GMDS: variants seen among roughly 807,000 people sequenced by gnomAD.
GMDS encodes the protein GDP-mannose 4,6 dehydratase.
In GMDS, 20 loss-of-function variants were observed where a neutral mutation model predicts 49.9. The observed-to-expected ratio is 0.40, with a 90% CI of 0.28 to 0.58. The LOEUF (loss-of-function observed/expected upper bound fraction) is 0.58. Ranked by LOEUF, GMDS falls within the 20% of genes least tolerant of loss-of-function variation. GMDS has a pLI of 0.42. For synonymous variants in GMDS, 177 were observed against 178.6 expected (o/e 0.99, Z 0.07); for missense variants, 362 against 481.4 (o/e 0.75, Z 2.32).
chr6:1,877,130 T>A (rs1322230896), intron 7 of GMDS, among the ~76,000 whole-genome samples: 1 of 151,942 alleles, frequency 6.6e-6, no homozygotes, highest in East Asian at 1.9e-4. Context: ...AGGGAATGAA[T>A]TCACATAACA....
intron 4 of GMDS, among the ~76,000 whole-genome samples, chr6:2,072,391 G>A (rs955640872): frequency 1.3e-5 from 2 of 152,188 alleles, no homozygotes; most frequent in African/African-American, 4.8e-5. Flanking sequence ...TCTGAAGGCA[G>A]CCTGCCTATC....
intron 9 of GMDS, among the ~76,000 whole-genome samples, chr6:1,684,235 G>A (rs1044251477): frequency 3.3e-5 from 5 of 152,180 alleles, no homozygotes; most frequent in East Asian, 1.9e-4. Context: ...GATGTGGGGC[G>A]GCTGGAAGTC....
intron 7 of GMDS, among the ~76,000 whole-genome samples, chr6:1,750,738 G>A (rs913765401): frequency 2.6e-5 from 4 of 152,070 alleles, no homozygotes; most frequent in African/African-American, 9.7e-5. Flanking sequence ...TCACTCCCCT[G>A]GAAAGAGGGC....
At chr6:2,108,664 A>G (rs1281612406) in intron 4 of GMDS, among the ~76,000 whole-genome samples, 1 of 152,222 alleles carries the variant, frequency 6.6e-6, no homozygotes, top group Non-Finnish European at 1.5e-5. Flanking sequence ...CGTAGTAAAC[A>G]GTGGGAATGA....
At chr6:1,735,852 TATTA>T (rs778982504) in intron 8 of GMDS, among the ~76,000 whole-genome samples, 5 of 152,388 alleles carry the variant, frequency 3.3e-5, no homozygotes, top group East Asian at 1.9e-4. Flanking sequence ...AATGTGTTCT[TATTA>T]ATTGACACCC....
At chr6:2,116,226 T>C (rs913550190) in intron 3 of GMDS, among the ~76,000 whole-genome samples, 1 of 151,564 alleles carries the variant, frequency 6.6e-6, no homozygotes, top group Non-Finnish European at 1.5e-5. Flanking sequence ...GAAAACCTTG[T>C]AATAACATGT....
In GMDS at chr6:1,773,841, T is replaced by C. The variant is rs535005110; in HGVS notation, c.772-31255A>G. 1.1e-3 allele frequency among the ~76,000 whole-genome samples: 161 copies of C among 152,242 alleles called. 1 individual carries two copies. The highest frequency in any genetic ancestry group is 1.8e-3 in the Non-Finnish European group (122 of 68,038). On this transcript the variant is annotated intron_variant, in intron 7 of 10. Coordinates refer to ENST00000380815, the MANE Select transcript of GMDS (RefSeq NM_001500.4). ...TTTCACATGAAAGGGTGTAGACTTG[T>C]TTTTAAGAAATATCAAATCCATTAA...
chr6:1,717,691 T>C (rs1766222761), intron 9 of GMDS: 1 of 152,018 alleles, frequency 6.6e-6, no homozygotes, highest in Non-Finnish European at 1.5e-5. Context: ...ATGTCAGGAG[T>C]TGAAGAGCCC....
At chr6:1,900,420 T>A (rs1308649769) in intron 7 of GMDS, among the ~76,000 whole-genome samples, 1 of 152,098 alleles carries the variant, frequency 6.6e-6, no homozygotes, top group African/African-American at 2.4e-5. Context: ...CATCTTTTTA[T>A]AACCACTTCA....
At chr6:1,830,423 C>A (rs901807091) in intron 7 of GMDS, among the ~76,000 whole-genome samples, 5 of 152,210 alleles carry the variant, frequency 3.3e-5, no homozygotes, top group Admixed American at 6.5e-5. Flanking sequence ...TTGAGAACCA[C>A]TGTTCTAGAC....
chr6:1,900,160 C>T (rs1470358353), intron 7 of GMDS, among the ~76,000 whole-genome samples: 9 of 152,210 alleles, frequency 5.9e-5, no homozygotes, highest in South Asian at 2.1e-4. Context: ...TCAGAGGCAT[C>T]GCTCTGGAGC....
At chr6:1,969,968 A>C (rs1764507068) in intron 4 of GMDS, among the ~76,000 whole-genome samples, 1 of 152,224 alleles carries the variant, frequency 6.6e-6, no homozygotes. Flanking sequence ...TAAATAAGAC[A>C]ACATTCAGTC....
Position 2,240,643 on chromosome 6 carries a change from C to T in GMDS, c.102+4678G>A, listed in dbSNP as rs896849024. ...AAAGAAAAGAAAAAGAAAACCACCT[C>T]ATAGAAGCTCTCTGTTGCTTCAACA... On this transcript the variant is annotated intron_variant, in intron 1 of 10. Transcript: ENST00000380815. 1.1e-4 allele frequency among the ~76,000 whole-genome samples: 16 copies of T among 151,618 alleles called. No homozygotes were observed. The East Asian group carries it at 2.5e-3, about 24-fold the overall frequency.
At chr6:1,838,425 A>T (rs768236337) in intron 7 of GMDS, among the ~76,000 whole-genome samples, 2 of 152,246 alleles carry the variant, frequency 1.3e-5, no homozygotes, top group Non-Finnish European at 2.9e-5. Flanking sequence ...TCAAGTAAAG[A>T]TCATGCAGTA....
intron 7 of GMDS, among the ~76,000 whole-genome samples, chr6:1,878,372 T>A (rs1319180531): frequency 1.7e-4 from 25 of 150,172 alleles, no homozygotes; most frequent in Admixed American, 1.7e-3. Flanking sequence ...GTGAAAATAT[T>A]CCCCAAAGAC....
chr6:2,030,739 G>A (rs1332174442), intron 4 of GMDS, among the ~76,000 whole-genome samples: 3 of 152,130 alleles, frequency 2.0e-5, no homozygotes, highest in Admixed American at 1.3e-4. Flanking sequence ...AAACAAGGCC[G>A]TGTGCGCTAG....
At chr6:2,167,033 C>T (rs552438921) in intron 1 of GMDS, among the ~76,000 whole-genome samples, 24 of 152,210 alleles carry the variant, frequency 1.6e-4, no homozygotes, top group Admixed American at 3.3e-4. Context: ...CCTATGACAC[C>T]TTCAAGGCCA....
chr6:1,680,485 C>T (rs571436779), intron 9 of GMDS, among the ~76,000 whole-genome samples: 43 of 152,294 alleles, frequency 2.8e-4, no homozygotes, highest in African/African-American at 1.0e-3. Context: ...AAGTACCACA[C>T]CAATGAGGGT....
At chr6:1,845,656 G>T (rs1450477497) in intron 7 of GMDS, among the ~76,000 whole-genome samples, 1 of 152,134 alleles carries the variant, frequency 6.6e-6, no homozygotes, top group East Asian at 1.9e-4. Context: ...ACGGACTGGG[G>T]GTGTGGGGCG....
Sources: allele counts gnomAD v4.1 joint callset (sites outside exome capture counted in the v4.1 genomes callset), GRCh38; gene constraint gnomAD v4.1.1; transcripts MANE v1.5; gene names NCBI Gene and HGNC (gene_info 2026-07-23, HGNC 2026-07-21).